The following C1QTNF4 variants were observed in gnomAD, a reference collection of about 807,000 sequenced individuals.
C1QTNF4 encodes the protein complement C1q tumor necrosis factor-related protein 4.
C1QTNF4 carries 12 observed loss-of-function variants against 14.6 expected under a neutral mutation model. That is an observed-to-expected ratio of 0.82 (90% CI 0.53 to 1.33). C1QTNF4 has a LOEUF of 1.33. C1QTNF4 is among the 40% of genes most tolerant of loss of function. The pLI is 0.00. For missense variants in C1QTNF4, 558 were observed against 500.3 expected, an observed-to-expected ratio of 1.12 and a Z score of -1.10; for synonymous variants, 278 against 246.6, an observed-to-expected ratio of 1.13 and a Z score of -1.19.
chr11:47,591,799 C>T (rs535063039), intron 1 of C1QTNF4, among the ~76,000 whole-genome samples: 8 of 152,340 alleles, frequency 5.3e-5, no homozygotes, highest in African/African-American at 1.4e-4. Context: ...ATTTGACACT[C>T]AGGGGCCCTG....
chr11:47,593,942 T>TA (rs1039702880), intron 1 of C1QTNF4, among the ~76,000 whole-genome samples: 1 of 151,846 alleles, frequency 6.6e-6, no homozygotes, highest in African/African-American at 2.4e-5. Context: ...TCCTTATTTT[T>TA]AAAAAACAAA....
chr11:47,591,501 G>A (rs1379977207), intron 1 of C1QTNF4, among the ~76,000 whole-genome samples: 1 of 147,524 alleles, frequency 6.8e-6, no homozygotes, highest in Non-Finnish European at 1.5e-5. Flanking sequence ...CGATTCTCCC[G>A]CCTCAGCCTC....
rs1037834760 is a variant in C1QTNF4, at chr11:47,594,373, G to A, written c.-231C>T. On this transcript the variant is annotated 5_prime_UTR_variant, in exon 1 of 2. Transcript: ENST00000302514. Reference sequence around the variant, plus strand: ...GGCGTGGGGAGGCGTGAGGGAAAGGGAAGGTCAGCTAGAGAGGGAGCCGAG... The same window carrying A: ...GGCGTGGGGAGGCGTGAGGGAAAGGAAAGGTCAGCTAGAGAGGGAGCCGAG... 1 of 152,180 alleles carries A rather than the reference G, an allele frequency of 6.6e-6. No homozygotes were observed. The highest frequency in any genetic ancestry group is 1.5e-5 in the Non-Finnish European group (1 of 68,184). The allele number at this position is 152,180 out of a possible 1,614,324, so 9.4% of individuals were successfully genotyped here.
At chr11:47,594,485 C>G (rs1277421349), upstream of C1QTNF4, 1 of 152,432 alleles carries the variant, frequency 6.6e-6, no homozygotes, top group Non-Finnish European at 1.5e-5. Flanking sequence ...CCTAGGGGCT[C>G]CGCACGGAGT....
At position 47,590,420 on chromosome 11, in the gene C1QTNF4, T is replaced by C. The variant is rs1220283551; in HGVS notation, c.391A>G (p.Thr131Ala). The change falls in exon 2 of 2, where the codon ACA becomes GCA. Residue 131 changes from threonine to alanine, a missense_variant. Physicochemically the swap from Thr to Ala is moderately conservative, Grantham distance 58 (BLOSUM62 0). Transcript: ENST00000302514. ...GCGCCATGCAGCCGCAGCCACACTG[T>C]GTCGCCGTAGTCGAGCTGCAGCATG... is the stretch of plus-strand genomic sequence containing the variant. ...SAMLQLDYGDTVWLRLHGAPQ... is the reference protein window; with the variant it reads ...SAMLQLDYGDAVWLRLHGAPQ... 4.7e-6 allele frequency: 7 copies of C among 1,503,240 alleles called. No homozygotes were observed. In the African/African-American group the frequency reaches 5.6e-5, roughly 12 times the overall value. The allele number at this position is 1,503,240 out of a possible 1,614,324, so 93.1% of individuals were successfully genotyped here. A position where few individuals can be genotyped will look rare whatever the true frequency, so the allele number is the denominator to read the frequency against.
chr11:47,595,046 G>A (rs960862420), upstream of C1QTNF4, among the ~76,000 whole-genome samples: 8 of 152,114 alleles, frequency 5.3e-5, no homozygotes, highest in Admixed American at 4.6e-4. Context: ...AGGGCAATAG[G>A]TGGGGAAGAA....
intron 1 of C1QTNF4, 81 bp from the exon 2 acceptor site, chr11:47,590,896 G>A: frequency 2.8e-6 from 4 of 1,429,280 alleles, no homozygotes; most frequent in Non-Finnish European, 3.6e-6. Flanking sequence ...GGGAGACAAG[G>A]GTTCTCTTCC....
In C1QTNF4 at chr11:47,590,225, G is replaced by T; in HGVS notation, c.586C>A (p.Pro196Thr). ...TCGAAGGCGAGTGGTTGGTGCCGCG[G>T]CCCGGGGCCAGCGTCCGAGCCCACC... ...SLVGSDAGPGPRHQPLAFDTE... is the reference protein window; with the variant it reads ...SLVGSDAGPGTRHQPLAFDTE... The change falls in exon 2 of 2, where the codon CCG becomes ACG. Residue 196 changes from proline (P) to threonine (T), a missense_variant. By Grantham distance (38) the Pro-to-Thr change is conservative. Coordinates refer to ENST00000302514, the MANE Select transcript of C1QTNF4 (RefSeq NM_031909.3). 6.5e-7 allele frequency: 1 copy of T among 1,539,476 alleles called. No individual in the cohort carries two copies.
chr11:47,592,255 G>C (rs945575038), intron 1 of C1QTNF4, among the ~76,000 whole-genome samples: 10 of 152,140 alleles, frequency 6.6e-5, no homozygotes, highest in Non-Finnish European at 1.5e-4. Flanking sequence ...GGATTGGAGA[G>C]GACAGATAGC....
chr11:47,590,970 A>G (rs2097275312), intron 1 of C1QTNF4, among the ~76,000 whole-genome samples, 155 bp from the exon 2 acceptor site: 1 of 152,186 alleles, frequency 6.6e-6, no homozygotes, highest in Non-Finnish European at 1.5e-5. Flanking sequence ...CTCAAACTCT[A>G]GCGAGCCTCA....
chr11:47,589,988 T>A lies in C1QTNF4; in HGVS notation c.823A>T (p.Met275Leu). The change falls in exon 2 of 2, where the codon ATG becomes TTG. Residue 275 changes from methionine to leucine, a missense_variant. Coordinates refer to ENST00000302514, the MANE Select transcript of C1QTNF4 (RefSeq NM_031909.3). ...GCGTCGCCGCGCCGCAGGGCCAGCA[T>A]CACGCTCTGGCTCTGCATCTCGCGG... Reference protein sequence around the residue: ...RRREMQSQSVMLALRRGDAVW... With the variant: ...RRREMQSQSVLLALRRGDAVW... 1 of 1,611,670 alleles carries A rather than the reference T, an allele frequency of 6.2e-7. No individual in the cohort carries two copies. Among genetic ancestry groups the A allele is most frequent in the South Asian group, 1.1e-5 (1 of 90,980 alleles).
In C1QTNF4 at chr11:47,590,008, T is replaced by A. The variant is rs1354030424; in HGVS notation, c.803A>T (p.Glu268Val). ...CAGCATCACGCTCTGGCTCTGCATC[T>A]CGCGGCGCCGCGACGCGCCGTCGTC... is the stretch of plus-strand genomic sequence containing the variant. The part of the protein sequence containing the change: ...IYDDGASRRR[E>V]MQSQSVMLAL... The change falls in exon 2 of 2, where the codon GAG becomes GTG. Residue 268 changes from glutamate to valine, a missense_variant. Coordinates refer to ENST00000302514, the MANE Select transcript of C1QTNF4 (RefSeq NM_031909.3). 6.2e-7 allele frequency: 1 copy of A among 1,611,494 alleles called. No homozygotes were observed. Among genetic ancestry groups the A allele is most frequent in the South Asian group, 1.1e-5 (1 of 90,986 alleles).
chr11:47,592,316 G>T (rs1347078590), intron 1 of C1QTNF4, among the ~76,000 whole-genome samples: 5 of 152,192 alleles, frequency 3.3e-5, no homozygotes, highest in African/African-American at 1.2e-4. Flanking sequence ...GAAACCTTGG[G>T]CAGGTTCCCT....
Position 47,589,813 on chromosome 11 carries a change from C to A in C1QTNF4, c.*8G>T. 1 of 1,520,462 alleles carries A rather than the reference C, an allele frequency of 6.6e-7. No individual in the cohort carries two copies. The highest frequency in any genetic ancestry group is 8.8e-7 in the Non-Finnish European group (1 of 1,131,924). 94.2% of individuals were successfully genotyped at this position (1,520,462 alleles called of 1,614,324 possible). A position where few individuals can be genotyped will look rare whatever the true frequency, so the allele number is the denominator to read the frequency against. Reference sequence around the variant, plus strand: ...CTGGCCCTCCCGGGCTCTTCTCTGGCCCGGGGCTCACAGTAGCTCCGAGGC... The same window carrying A: ...CTGGCCCTCCCGGGCTCTTCTCTGGACCGGGGCTCACAGTAGCTCCGAGGC... On this transcript the variant is annotated 3_prime_UTR_variant, in exon 2 of 2. Transcript: ENST00000302514.
Position 47,590,679 on chromosome 11 carries a change from C to G in C1QTNF4, c.132G>C (p.Ser44=), listed in dbSNP as rs2097275015. 1 of 1,611,174 alleles carries G rather than the reference C, an allele frequency of 6.2e-7. No individual in the cohort carries two copies. The highest frequency in any genetic ancestry group is 1.7e-5 in the Admixed American group (1 of 59,900). Residue 44 remains serine, a synonymous_variant, in exon 2 of 2, where the codon TCG becomes TCC. Coordinates refer to ENST00000302514, the MANE Select transcript of C1QTNF4 (RefSeq NM_031909.3). The part of the protein sequence containing the change: ...AARTTPLEGT[S]EMAVTFDKVY... ...CCTTGTCGAAGGTCACCGCCATCTC[C>G]GACGTGCCCTCCAGGGGGGTGGTGC...
chr11:47,590,054 C>G lies in C1QTNF4; in HGVS notation c.757G>C (p.Glu253Gln). The G allele has an allele frequency of 1.9e-6, 3 of 1,612,828 alleles. No individual in the cohort carries two copies. Among genetic ancestry groups the G allele is most frequent in the Non-Finnish European group, 2.5e-6 (3 of 1,179,186 alleles). The change falls in exon 2 of 2, where the codon GAG becomes CAG. Residue 253 changes from glutamate to glutamine, a missense_variant. By Grantham distance (29) the Glu-to-Gln change is conservative. Transcript: ENST00000302514. ...LSVKLMKNRD[E>Q]VQAMIYDDGA... ...TCGTCGTAAATCATGGCCTGCACCT[C>G]GTCGCGGTTCTTCATCAGCTTAACC... is the stretch of plus-strand genomic sequence containing the variant.
chr11:47,593,584 G>A (rs1158598323), intron 1 of C1QTNF4, among the ~76,000 whole-genome samples: 3 of 152,036 alleles, frequency 2.0e-5, no homozygotes, highest in East Asian at 1.9e-4. Flanking sequence ...CTGGATCCTC[G>A]TCCTTCCCTG....
In C1QTNF4 at chr11:47,590,106, C is replaced by A. The variant is rs370076741; in HGVS notation, c.705G>T (p.Leu235=). Residue 235 remains leucine (L), a synonymous_variant, in exon 2 of 2, where the codon CTG becomes CTT. Transcript: ENST00000302514. ...LPGAYFFSFT[L]GKLPRKTLSV... ...ACAGCGTCTTACGCGGCAGCTTGCC[C>A]AGCGTGAAGGAGAAGAAGTAGGCGC... is the stretch of plus-strand genomic sequence containing the variant. 3.7e-6 allele frequency: 6 copies of A among 1,611,626 alleles called. 1 individual carries two copies. The highest frequency in any genetic ancestry group is 1.7e-4 in the Middle Eastern group (1 of 6,054).
Position 47,589,724 on chromosome 11 carries a change from G to C in C1QTNF4, c.*97C>G. 8.3e-7 allele frequency: 1 copy of C among 1,211,544 alleles called. No homozygotes were observed. The highest frequency in any genetic ancestry group is 1.1e-6 in the Non-Finnish European group (1 of 905,838). 75.0% of individuals were successfully genotyped at this position (1,211,544 alleles called of 1,614,324 possible). Reference sequence around the variant, plus strand: ...CGCTTTATTGGCAGAGTCCAGGCGCGCCCGGAGGCCGTGGCGCTCGCGCGG... The same window carrying C: ...CGCTTTATTGGCAGAGTCCAGGCGCCCCCGGAGGCCGTGGCGCTCGCGCGG... On this transcript the variant is annotated 3_prime_UTR_variant, in exon 2 of 2. Transcript: ENST00000302514.
Sources: gnomAD v4.1 joint callset for allele counts (sites outside exome capture counted in the v4.1 genomes callset) on GRCh38, gnomAD v4.1.1 for gene constraint, MANE v1.5 for transcripts, NCBI Gene and HGNC (gene_info 2026-07-23, HGNC 2026-07-21) for gene names.